The following ZNF813 variants were observed in gnomAD, a reference collection of about 807,000 sequenced individuals.
ZNF813 encodes the protein zinc finger protein 813.
Under a neutral mutation model 7.2 loss-of-function variants are expected in ZNF813, and 3 were observed. The ratio of observed to expected loss-of-function variants is 0.42; its 90% CI spans 0.19 to 1.08. The LOEUF (loss-of-function observed/expected upper bound fraction) is 1.08. Among genes scored for constraint, ZNF813 ranks in the 50% least tolerant of loss-of-function variants. The probability of loss-of-function intolerance (pLI) is 0.30; values close to 1 mark genes in which losing one functional copy is unlikely to be tolerated. For synonymous variants in ZNF813, 227 were observed against 256.3 expected (o/e 0.89, Z 1.09); for missense variants, 714 against 753.3 (o/e 0.95, Z 0.61).
chr19:53,474,579 C>T (rs150301273), intron 1 of ZNF813, among the ~76,000 whole-genome samples: 1 of 152,160 alleles, frequency 6.6e-6, no homozygotes, highest in East Asian at 1.9e-4. Context: ...ATACCAGCTA[C>T]TGGGGAGGCT....
Position 53,493,373 on chromosome 19 carries a change from A to G in ZNF813, c.*1287A>G, listed in dbSNP as rs2086472651. Reference sequence around the variant, plus strand: ...GGTTATATGTCTGTATATGTTTTTAATCATATTGATGTATATTTGTAGATT... The same window carrying G: ...GGTTATATGTCTGTATATGTTTTTAGTCATATTGATGTATATTTGTAGATT... On this transcript the variant is annotated 3_prime_UTR_variant, in exon 4 of 4. Coordinates refer to ENST00000396403, the MANE Select transcript of ZNF813 (RefSeq NM_001004301.4). 6.5e-6 allele frequency: 1 copy of G among 152,946 alleles called. No individual in the cohort carries two copies. The highest frequency in any genetic ancestry group is 6.5e-5 in the Admixed American group (1 of 15,312). 9.5% of individuals were successfully genotyped at this position (152,946 alleles called of 1,614,324 possible).
chr19:53,468,228 C>CG (rs988728609), intron 1 of ZNF813, among the ~76,000 whole-genome samples: 1 of 128,034 alleles, frequency 7.8e-6, no homozygotes, highest in African/African-American at 2.8e-5. Flanking sequence ...CGCCCCCCCC[C>CG]CCCCACCTCC....
At chr19:53,477,837 TG>T (rs766699869) in intron 1 of ZNF813, among the ~76,000 whole-genome samples, 39 of 151,912 alleles carry the variant, frequency 2.6e-4, no homozygotes, top group Middle Eastern at 3.4e-3. Context: ...ATAAAAGGGG[TG>T]GGGGACTTTG....
rs66842546 is a variant in ZNF813 at position 53,481,344 on chromosome 19, C to CTTTTTTTTTTTTTTTTTTT, written c.-73-2405_-73-2387dup. Among the ~76,000 whole-genome samples the CTTTTTTTTTTTTTTTTTTT allele has an allele frequency of 1.5e-3, 158 of 106,354 alleles. 12 individuals are homozygous for CTTTTTTTTTTTTTTTTTTT. The highest frequency in any genetic ancestry group is 2.5e-3 in the African/African-American group (61 of 24,666). The allele number at this position is 106,354 out of a possible 152,430, so 69.8% of individuals were successfully genotyped here. On this transcript the variant is annotated intron_variant, in intron 1 of 3. Transcript: ENST00000396403. ...GCTATTCTAAAAGCACCCATGTATT[C>CTTTTTTTTTTTTTTTTTTT]TTTTTTTTTTTTTTTTTTTGAGATG...
chr19:53,483,390 A>G (rs909679680), intron 1 of ZNF813, among the ~76,000 whole-genome samples: 1 of 152,046 alleles, frequency 6.6e-6, no homozygotes, highest in African/African-American at 2.4e-5. Flanking sequence ...GGGTTTCACC[A>G]TGTTGCCCAG....
intron 1 of ZNF813, among the ~76,000 whole-genome samples, chr19:53,480,569 G>A (rs1465685941): frequency 6.6e-6 from 1 of 152,110 alleles, no homozygotes; most frequent in Non-Finnish European, 1.5e-5. Flanking sequence ...ATGCTTTCTA[G>A]TCTTTATTAT....
At chr19:53,484,695 G>T (rs1386252572) in intron 2 of ZNF813, among the ~76,000 whole-genome samples, 1 of 152,168 alleles carries the variant, frequency 6.6e-6, no homozygotes, top group African/African-American at 2.4e-5. Context: ...CTCCCAAGTA[G>T]CTGGGATTAT....
intron 1 of ZNF813, among the ~76,000 whole-genome samples, chr19:53,473,690 A>G (rs370478105): frequency 1.9e-4 from 29 of 152,358 alleles, no homozygotes; most frequent in African/African-American, 6.5e-4. Context: ...TGTCAGACTT[A>G]TCGGCATTCT....
Position 53,490,701 on chromosome 19 carries a change from C to A in ZNF813, c.469C>A (p.Gln157Lys), listed in dbSNP as rs1464043233. 1 of 1,614,000 alleles carries A rather than the reference C, an allele frequency of 6.2e-7. No homozygotes were observed. The highest frequency in any genetic ancestry group is 1.7e-5 in the Admixed American group (1 of 59,998). Reference protein sequence around the residue: ...HLPELHMFQTQGKIGNQVEKS... With the variant: ...HLPELHMFQTKGKIGNQVEKS... ...GCCTGAACTCCACATGTTTCAGACCCAAGGGAAAATTGGTAATCAAGTGGA... is the reference window on the plus strand; with the variant it reads ...GCCTGAACTCCACATGTTTCAGACCAAAGGGAAAATTGGTAATCAAGTGGA... The change falls in exon 4 of 4, where the codon CAA becomes AAA. Residue 157 changes from glutamine (Q) to lysine (K), a missense_variant. Gln to Lys is a moderately conservative substitution (Grantham distance 53, BLOSUM62 1). This residue lies in a region of ZNF813 where 563 missense variants were observed against 554.2 expected (regional missense o/e 1.02). Coordinates refer to ENST00000396403, the MANE Select transcript of ZNF813 (RefSeq NM_001004301.4).
chr19:53,492,055 A>G lies in ZNF813; in HGVS notation c.1823A>G (p.Lys608Arg). ...HRLHTGEKPYKFNECGKAFN is the reference protein window; with the variant it reads ...HRLHTGEKPYRFNECGKAFN ...CTTCATACTGGAGAGAAACCTTACAAGTTTAATGAGTGTGGCAAAGCTTTT... is the reference window on the plus strand; with the variant it reads ...CTTCATACTGGAGAGAAACCTTACAGGTTTAATGAGTGTGGCAAAGCTTTT... Residue 608 changes from lysine to arginine, a missense_variant, in exon 4 of 4, where the codon AAG becomes AGG. This residue lies in a region of ZNF813 where 122 missense variants were observed against 146.8 expected (regional missense o/e 0.83). Coordinates refer to ENST00000396403, the MANE Select transcript of ZNF813 (RefSeq NM_001004301.4). 6.2e-7 allele frequency: 1 copy of G among 1,613,798 alleles called. No individual in the cohort carries two copies. Among genetic ancestry groups the G allele is most frequent in the Non-Finnish European group, 8.5e-7 (1 of 1,179,820 alleles).
At chr19:53,488,190 A>C (rs1307463017) in intron 3 of ZNF813, 1 of 450,738 alleles carries the variant, frequency 2.2e-6, no homozygotes, top group African/African-American at 2.0e-5. Flanking sequence ...ATGCCTGGCT[A>C]ATTTTGTGTT....
rs112314093 is a variant in ZNF813, at chr19:53,492,116, T to G, written c.*30T>G. ...CAAAGCTTGCACATCATCATACAAT[T>G]CATACTGGAAAGAAACAAGTGCAAT... On this transcript the variant is annotated 3_prime_UTR_variant, in exon 4 of 4. Transcript: ENST00000396403. The G allele has an allele frequency of 6.3e-7, 1 of 1,591,900 alleles. No homozygotes were observed. Among genetic ancestry groups the G allele is most frequent in the South Asian group, 1.1e-5 (1 of 88,462 alleles).
rs1247819205 is a variant in ZNF813 at position 53,482,706 on chromosome 19, CTTTTTGTTTTT to C, written c.-73-1038_-73-1028del. Reference sequence around the variant, plus strand: ...CTCTGCATCAATCACATCAGGAATGCTTTTTGTTTTTTTTTTTTTTTTTTTTTTTTTTTGAG... The same window carrying C: ...CTCTGCATCAATCACATCAGGAATGCTTTTTTTTTTTTTTTTTTTTTTGAG... On this transcript the variant is annotated intron_variant, in intron 1 of 3. Transcript: ENST00000396403. Among the ~76,000 whole-genome samples, 503 of 91,446 alleles carry C rather than the reference CTTTTTGTTTTT, an allele frequency of 5.5e-3. 5 individuals carry two copies. The highest frequency in any genetic ancestry group is 0.018 in the African/African-American group (469 of 25,692). 60.0% of individuals were successfully genotyped at this position (91,446 alleles called of 152,430 possible).
chr19:53,474,059 A>T (rs982530710), intron 1 of ZNF813, among the ~76,000 whole-genome samples: 1 of 152,198 alleles, frequency 6.6e-6, no homozygotes, highest in Non-Finnish European at 1.5e-5. Context: ...GCACTATTTC[A>T]GCTGCAAATG....
intron 1 of ZNF813, chr19:53,479,498 C>T: frequency 7.1e-7 from 1 of 1,411,288 alleles, no homozygotes; most frequent in Non-Finnish European, 9.9e-7. Context: ...GAAGTGGCCT[C>T]CGTGAACGGT....
At position 53,494,158 on chromosome 19, in the gene ZNF813, C is replaced by T. The variant is rs2086476408; in HGVS notation, c.*2072C>T. Reference sequence around the variant, plus strand: ...ACTTGAGTATCTACAGTCCTTTTTACATCCTCTTGAATACAGCTTTTTAGT... The same window carrying T: ...ACTTGAGTATCTACAGTCCTTTTTATATCCTCTTGAATACAGCTTTTTAGT... On this transcript the variant is annotated 3_prime_UTR_variant, in exon 4 of 4. Transcript: ENST00000396403. 6.6e-6 allele frequency: 1 copy of T among 152,230 alleles called. No homozygotes were observed. The highest frequency in any genetic ancestry group is 2.1e-4 in the South Asian group (1 of 4,832). 9.4% of individuals were successfully genotyped at this position (152,230 alleles called of 1,614,324 possible). A position where few individuals can be genotyped will look rare whatever the true frequency, so the allele number is the denominator to read the frequency against.
Position 53,493,475 on chromosome 19 carries a change from ATTTTC to A in ZNF813, c.*1394_*1398del, listed in dbSNP as rs2086473256. The A allele has an allele frequency of 6.6e-6, 1 of 150,734 alleles. No individual in the cohort carries two copies. The highest frequency in any genetic ancestry group is 2.5e-5 in the African/African-American group (1 of 40,286). 9.3% of individuals were successfully genotyped at this position (150,734 alleles called of 1,614,324 possible). A position where few individuals can be genotyped will look rare whatever the true frequency, so the allele number is the denominator to read the frequency against. ...CTCTAGCAAATGGAAGTGTTTTTAAATTTTCTTTTAAAATTGTTTATTGTTACAAA... is the reference window on the plus strand; with the variant it reads ...CTCTAGCAAATGGAAGTGTTTTTAAATTTTAAAATTGTTTATTGTTACAAA... On this transcript the variant is annotated 3_prime_UTR_variant, in exon 4 of 4. Transcript: ENST00000396403.
intron 1 of ZNF813, among the ~76,000 whole-genome samples, chr19:53,478,540 G>A (rs1249752260): frequency 1.3e-5 from 2 of 152,156 alleles, no homozygotes; most frequent in African/African-American, 4.8e-5. Flanking sequence ...CACTTTGGGA[G>A]ATGGAGGTGA....
rs112769632 is a variant in ZNF813, at chr19:53,494,544, G to C, written c.*2458G>C. The C allele has an allele frequency of 6.6e-6, 1 of 152,100 alleles. No individual in the cohort carries two copies. Among genetic ancestry groups the C allele is most frequent in the African/African-American group, 2.4e-5 (1 of 41,480 alleles). 9.4% of individuals were successfully genotyped at this position (152,100 alleles called of 1,614,324 possible). ...TGTAATCCCAGATACTCTGGAGGCT[G>C]AGGCAGGAGAATGGCTTGAACCCGG... On this transcript the variant is annotated 3_prime_UTR_variant, in exon 4 of 4. Transcript: ENST00000396403.
Sources: allele counts gnomAD v4.1 joint callset (sites outside exome capture counted in the v4.1 genomes callset), GRCh38; gene constraint gnomAD v4.1.1; regional missense constraint gnomAD v4.1.1; transcripts MANE v1.5; gene names NCBI Gene and HGNC (gene_info 2026-07-23, HGNC 2026-07-21).